Variants in SHANK2 observed in about 807,000 individuals in gnomAD.
SHANK2 encodes the protein SH3 and multiple ankyrin repeat domains 2.
SHANK2 carries 43 observed loss-of-function variants against 133.7 expected under a neutral mutation model. The observed-to-expected ratio is 0.32, with a 90% CI of 0.25 to 0.41. The LOEUF (loss-of-function observed/expected upper bound fraction) is 0.41, where lower values mean the gene tolerates loss of function less well. Ranked by LOEUF, SHANK2 falls within the 10% of genes least tolerant of loss-of-function variation. SHANK2 has a pLI of 1.00. For synonymous variants in SHANK2, 1,017 were observed against 952.8 expected (o/e 1.07, Z -1.24); for missense variants, 1,994 against 2,235.8 (o/e 0.89, Z 2.18).
At chr11:70,586,684 A>G (rs1488388376) in intron 17 of SHANK2, among the ~76,000 whole-genome samples, 1 of 152,198 alleles carries the variant, frequency 6.6e-6, no homozygotes, top group East Asian at 1.9e-4. Context: ...TGAAAAAAGC[A>G]TTTCCTTCCC....
intron 17 of SHANK2, among the ~76,000 whole-genome samples, chr11:70,527,766 T>C (rs962376169): frequency 6.6e-6 from 1 of 152,204 alleles, no homozygotes; most frequent in African/African-American, 2.4e-5. Flanking sequence ...GAGCTACGAA[T>C]GTGCCTGACT....
intron 17 of SHANK2, among the ~76,000 whole-genome samples, chr11:70,521,611 A>G (rs2059331140): frequency 6.6e-6 from 1 of 152,214 alleles, no homozygotes; most frequent in Admixed American, 6.5e-5. Context: ...AAAAAGGAGA[A>G]ATGAGCAGAT....
At chr11:70,799,291 G>T (rs553772708) in intron 13 of SHANK2, among the ~76,000 whole-genome samples, 2 of 151,984 alleles carry the variant, frequency 1.3e-5, no homozygotes, top group Non-Finnish European at 2.9e-5. Context: ...TCAGCTACTC[G>T]CTCAGGAGGC....
intron 17 of SHANK2, among the ~76,000 whole-genome samples, chr11:70,549,506 C>T (rs187963814): frequency 1.3e-5 from 2 of 152,324 alleles, no homozygotes; most frequent in Middle Eastern, 3.4e-3. Flanking sequence ...ATGACATTTG[C>T]GAAGCGAGGT....
intron 11 of SHANK2, among the ~76,000 whole-genome samples, chr11:70,846,150 G>A (rs1050594940): frequency 7.9e-5 from 12 of 152,294 alleles, no homozygotes; most frequent in African/African-American, 2.9e-4. Flanking sequence ...GCTAAAGAGG[G>A]TGCCGGTGGT....
At chr11:70,840,046 T>C (rs1053242556) in intron 11 of SHANK2, among the ~76,000 whole-genome samples, 1 of 152,200 alleles carries the variant, frequency 6.6e-6, no homozygotes, top group Non-Finnish European at 1.5e-5. Context: ...GCCCTGGGGC[T>C]GAAGGCAGAG....
chr11:70,578,511 G>T (rs1422185552), intron 17 of SHANK2, among the ~76,000 whole-genome samples: 1 of 152,156 alleles, frequency 6.6e-6, no homozygotes, highest in African/African-American at 2.4e-5. Context: ...TCGTGGCCAC[G>T]ACGGGCTCCG....
chr11:70,611,817 GT>G (rs1280283146), intron 17 of SHANK2, among the ~76,000 whole-genome samples: 2 of 152,156 alleles, frequency 1.3e-5, no homozygotes, highest in African/African-American at 4.8e-5. Flanking sequence ...GAATGGGGGA[GT>G]TTAGGAAACT....
intron 17 of SHANK2, among the ~76,000 whole-genome samples, chr11:70,587,123 C>G (rs537423938): frequency 3.1e-4 from 47 of 152,320 alleles, no homozygotes; most frequent in African/African-American, 1.1e-3. Context: ...GTTGCTCTCC[C>G]GACCACAACA....
intron 14 of SHANK2, among the ~76,000 whole-genome samples, chr11:70,749,774 C>T (rs2134882959): frequency 6.6e-6 from 1 of 151,794 alleles, no homozygotes; most frequent in South Asian, 2.1e-4. Flanking sequence ...ACTCAGGGAA[C>T]TTGACAAATC....
At chr11:71,108,940 C>G (rs1005599553) in intron 6 of SHANK2, among the ~76,000 whole-genome samples, 5 of 152,152 alleles carry the variant, frequency 3.3e-5, no homozygotes, top group Admixed American at 1.3e-4. Context: ...CCAGCGGGCC[C>G]CCCCCCAGCG....
At chr11:71,168,778 G>A (rs1953245036) in intron 2 of SHANK2, among the ~76,000 whole-genome samples, 1 of 150,690 alleles carries the variant, frequency 6.6e-6, no homozygotes. Context: ...GGCATCAGAG[G>A]GAGACCGTGG....
chr11:70,688,076 T>C (rs1489903259), intron 15 of SHANK2, among the ~76,000 whole-genome samples: 1 of 152,176 alleles, frequency 6.6e-6, no homozygotes, highest in East Asian at 1.9e-4. Flanking sequence ...AAGGCCGTCA[T>C]GAGGGTGTCC....
Position 71,147,251 on chromosome 11 carries a change from C to T in SHANK2, c.76G>A (p.Asp26Asn). ...FSDYSVGSES[D>N]SSKEETIYDT... The stretch of plus-strand genomic sequence containing the variant: ...TAGATGGTCTCTTCTTTGGAGCTGT[C>T]TGACTCCGACCCCACGGAGTAGTCG... Residue 26 changes from aspartate (D) to asparagine (N), a missense_variant, in exon 3 of 26, where the codon GAC becomes AAC. Transcript: ENST00000601538. 3 of 1,551,010 alleles carry T rather than the reference C, an allele frequency of 1.9e-6. No homozygotes were observed. Among genetic ancestry groups the T allele is most frequent in the Non-Finnish European group, 1.7e-6 (2 of 1,146,946 alleles).
intron 17 of SHANK2, among the ~76,000 whole-genome samples, chr11:70,583,628 A>G (rs2060211668): frequency 6.6e-6 from 1 of 152,126 alleles, no homozygotes; most frequent in South Asian, 2.1e-4. Flanking sequence ...TCGAATCCCA[A>G]ATTCACTGGG....
At chr11:70,762,762 C>T (rs1947021884) in intron 14 of SHANK2, among the ~76,000 whole-genome samples, 1 of 152,212 alleles carries the variant, frequency 6.6e-6, no homozygotes, top group Admixed American at 6.5e-5. Flanking sequence ...CCTGGAGAGG[C>T]AAGAGGTGAG....
At chr11:70,695,646 C>T (rs1945376989) in intron 15 of SHANK2, among the ~76,000 whole-genome samples, 1 of 152,230 alleles carries the variant, frequency 6.6e-6, no homozygotes, top group Non-Finnish European at 1.5e-5. Context: ...GCCGCATACT[C>T]AGGCTCAGAT....
At chr11:70,786,068 C>T (rs964638478) in intron 14 of SHANK2, among the ~76,000 whole-genome samples, 3 of 152,240 alleles carry the variant, frequency 2.0e-5, no homozygotes, top group Admixed American at 1.3e-4. Context: ...TCAGGGTAAG[C>T]GGGACCGTGC....
chr11:70,735,312 G>A (rs1361004708), intron 14 of SHANK2, among the ~76,000 whole-genome samples: 6 of 152,198 alleles, frequency 3.9e-5, no homozygotes, highest in African/African-American at 7.2e-5. Flanking sequence ...ATCCTTCCTC[G>A]GGGAGGAGGG....
Sources: gnomAD v4.1 joint callset for allele counts (sites outside exome capture counted in the v4.1 genomes callset) on GRCh38, gnomAD v4.1.1 for gene constraint, MANE v1.5 for transcripts, NCBI Gene and HGNC (gene_info 2026-07-23, HGNC 2026-07-21) for gene names.